GNPTAB: variants seen among roughly 807,000 people sequenced by gnomAD.
The protein encoded by GNPTAB is N-acetylglucosamine-1-phosphotransferase subunits alpha/beta.
In GNPTAB, 92 loss-of-function variants were observed where a neutral mutation model predicts 136.6. The ratio of observed to expected loss-of-function variants is 0.67; its 90% CI spans 0.57 to 0.80. The LOEUF is 0.80. Ranked by LOEUF, GNPTAB falls within the 30% of genes least tolerant of loss-of-function variation. The pLI, the probability that GNPTAB is intolerant of heterozygous loss-of-function variation, is 0.00. For missense variants in GNPTAB, 1,343 were observed against 1,501.8 expected (o/e 0.89, Z 1.75); for synonymous variants, 512 against 535.1 (o/e 0.96, Z 0.60).
chr12:101,830,816 C>G lies in GNPTAB; in HGVS notation c.-141G>C, dbSNP rs1392566428. ...CCTCCGGGCGCCGCTCATTGCAGCT[C>G]CGGCGACGGACGCCCGCTCGGCTCC... On this transcript the variant is annotated 5_prime_UTR_variant, in exon 1 of 21. Coordinates refer to ENST00000299314, the MANE Select transcript of GNPTAB (RefSeq NM_024312.5). The G allele has an allele frequency of 7.0e-6, 2 of 285,554 alleles. No homozygotes were observed. Among genetic ancestry groups the G allele is most frequent in the Non-Finnish European group, 1.3e-5 (2 of 152,360 alleles). 17.7% of individuals were successfully genotyped at this position (285,554 alleles called of 1,614,324 possible).
intron 11 of GNPTAB, among the ~76,000 whole-genome samples, chr12:101,766,776 A>T (rs529739807): frequency 7.2e-5 from 11 of 152,342 alleles, no homozygotes; most frequent in African/African-American, 2.4e-4. Context: ...AATAAACGTA[A>T]AAGGGAGTCA....
chr12:101,760,263 C>G (rs1952973313), intron 15 of GNPTAB, 120 bp from the exon 16 acceptor site: 1 of 705,002 alleles, frequency 1.4e-6, no homozygotes. Context: ...CAAAGAGAGT[C>G]TGACTATATG....
intron 16 of GNPTAB, among the ~76,000 whole-genome samples, chr12:101,759,250 C>T (rs1952952727): frequency 6.6e-6 from 1 of 151,550 alleles, no homozygotes; most frequent in Non-Finnish European, 1.5e-5. Context: ...GTAGTCCCAG[C>T]TACTCAGGAG....
In GNPTAB at chr12:101,757,216, G is replaced by C. The variant is rs770879064; in HGVS notation, c.3430C>G (p.Pro1144Ala). The C allele has an allele frequency of 8.5e-6, 13 of 1,528,974 alleles. No homozygotes were observed. The highest frequency in any genetic ancestry group is 1.2e-5 in the Non-Finnish European group (13 of 1,103,358). 94.7% of individuals were successfully genotyped at this position (1,528,974 alleles called of 1,614,324 possible). ...ATTATATATAAAAATCAGTACCTAGGGTTTTTTCTTATGTCATCCAACTGG... is the reference window on the plus strand; with the variant it reads ...ATTATATATAAAAATCAGTACCTAGCGTTTTTTCTTATGTCATCCAACTGG... The part of the protein sequence containing the change: ...VGQLDDIRKN[P>A]RKFVCLNDNI... The change falls in exon 18 of 21, where the codon CCT becomes GCT. Residue 1144 changes from proline to alanine, a missense_variant. Pro to Ala is a conservative substitution (Grantham distance 27). Coordinates refer to ENST00000299314, the MANE Select transcript of GNPTAB (RefSeq NM_024312.5).
intron 1 of GNPTAB, among the ~76,000 whole-genome samples, chr12:101,815,230 C>T (rs1870455864): frequency 6.6e-6 from 1 of 152,086 alleles, no homozygotes; most frequent in South Asian, 2.1e-4. Flanking sequence ...ACTATGCTGG[C>T]TAATTTTGGA....
chr12:101,805,546 C>G (rs1869888269), intron 1 of GNPTAB, among the ~76,000 whole-genome samples: 1 of 152,142 alleles, frequency 6.6e-6, no homozygotes, highest in African/African-American at 2.4e-5. Context: ...AGGTGCACAT[C>G]ACTACGTCTG....
At chr12:101,768,493 A>G (rs1953127105) in intron 10 of GNPTAB, among the ~76,000 whole-genome samples, 1 of 152,262 alleles carries the variant, frequency 6.6e-6, no homozygotes, top group African/African-American at 2.4e-5. Context: ...ACTTGACTGC[A>G]AGTACCAAAG....
intron 1 of GNPTAB, among the ~76,000 whole-genome samples, chr12:101,805,469 C>T (rs1046128267): frequency 3.3e-5 from 5 of 152,184 alleles, no homozygotes; most frequent in Non-Finnish European, 7.3e-5. Flanking sequence ...TTCACTGCAG[C>T]CTTGATGTAC....
intron 18 of GNPTAB, among the ~76,000 whole-genome samples, chr12:101,754,020 G>A (rs562982019): frequency 3.9e-5 from 6 of 152,226 alleles, no homozygotes; most frequent in East Asian, 1.9e-4. Flanking sequence ...GTGGTGGCAC[G>A]TGCCTGTGGT....
At chr12:101,829,182 G>A (rs1397752347) in intron 1 of GNPTAB, among the ~76,000 whole-genome samples, 2 of 152,116 alleles carry the variant, frequency 1.3e-5, no homozygotes, top group African/African-American at 4.8e-5. Context: ...AAAAAGAAAA[G>A]GATATAAAAT....
intron 1 of GNPTAB, among the ~76,000 whole-genome samples, chr12:101,822,210 A>G (rs374743597): frequency 1.6e-4 from 24 of 152,190 alleles, no homozygotes; most frequent in African/African-American, 3.6e-4. Flanking sequence ...TCAGGAGATC[A>G]AGACCATCCT....
At chr12:101,823,503 G>A (rs185430412) in intron 1 of GNPTAB, among the ~76,000 whole-genome samples, 1,658 of 151,720 alleles carry the variant, frequency 0.011, 19 homozygotes, top group Non-Finnish European at 0.014. Flanking sequence ...CCAGCTACTC[G>A]GGAGGCTGAC....
intron 19 of GNPTAB, 95 bp downstream of exon 19, chr12:101,753,277 A>AT: frequency 8.9e-7 from 1 of 1,121,074 alleles, no homozygotes; most frequent in Non-Finnish European, 1.3e-6. Flanking sequence ...AAAAAGAGAA[A>AT]TTTCATAAAA....
chr12:101,761,119 TACA>T lies in GNPTAB; in HGVS notation c.3135+5_3135+7del, dbSNP rs1007288007. 1.9e-6 allele frequency: 3 copies of T among 1,597,146 alleles called. No individual in the cohort carries two copies. Among genetic ancestry groups the T allele is most frequent in the African/African-American group, 2.7e-5 (2 of 73,964 alleles). On this transcript the variant is annotated splice_donor_5th_base_variant and intron_variant, in intron 15 of 20. Transcript: ENST00000299314. ...CATCAAAAAGTTTAGAATAAGACAA[TACA>T]ACACCTGCAAACTTAACGGCAGTTC... is the stretch of plus-strand genomic sequence containing the variant.
intron 1 of GNPTAB, among the ~76,000 whole-genome samples, chr12:101,807,343 C>T (rs960956587): frequency 5.9e-5 from 9 of 152,172 alleles, no homozygotes; most frequent in Non-Finnish European, 1.2e-4. Context: ...TGAGAAACTA[C>T]ATGCTTTCCT....
At chr12:101,761,471 T>C in intron 14 of GNPTAB, 93 bp downstream of exon 14, 1 of 1,436,950 alleles carries the variant, frequency 7.0e-7, no homozygotes, top group Non-Finnish European at 9.8e-7. Flanking sequence ...TCATCAAATA[T>C]TAGAGCTATA....
Position 101,764,479 on chromosome 12 carries a change from G to A in GNPTAB, c.2438C>T (p.Thr813Ile). 6.2e-7 allele frequency: 1 copy of A among 1,613,778 alleles called. No homozygotes were observed. ...GTGAGTTTCCACTCTAAATCTTGCTGTGGTCTCCAAGTCCAGGGGTGGATT... is the reference window on the plus strand; with the variant it reads ...GTGAGTTTCCACTCTAAATCTTGCTATGGTCTCCAAGTCCAGGGGTGGATT... ...GQNPPLDLET[T>I]ARFRVETHTQ... The change falls in exon 13 of 21, where the codon ACA (threonine) becomes ATA (isoleucine). Residue 813 changes from threonine to isoleucine, a missense_variant. Thr to Ile is a moderately conservative substitution (Grantham distance 89). Coordinates refer to ENST00000299314, the MANE Select transcript of GNPTAB (RefSeq NM_024312.5).
intron 20 of GNPTAB, among the ~76,000 whole-genome samples, chr12:101,747,877 TACTGGTATAGATAG>T (rs907428961): frequency 1.6e-4 from 24 of 152,164 alleles, no homozygotes; most frequent in African/African-American, 5.5e-4. Flanking sequence ...CCCTATTCTC[TACTGGTATAGATAG>T]ACTGGTATAG....
chr12:101,764,883 A>G lies in GNPTAB; in HGVS notation c.2034T>C (p.Phe678=). The G allele has an allele frequency of 6.2e-7, 1 of 1,614,162 alleles. No homozygotes were observed. The highest frequency in any genetic ancestry group is 8.5e-7 in the Non-Finnish European group (1 of 1,180,022). Residue 678 remains phenylalanine (F), a synonymous_variant, in exon 13 of 21, where the codon TTT becomes TTC. Transcript: ENST00000299314. ...DIPKEKRFPK[F]KRHDVNSTRR... The stretch of plus-strand genomic sequence containing the variant: ...TTGTTGAGTTAACATCATGTCTCTT[A>G]AACTTCGGGAAGCGTTTTTCTTTGG...
Sources: gnomAD v4.1 joint callset for allele counts (sites outside exome capture counted in the v4.1 genomes callset) on GRCh38, gnomAD v4.1.1 for gene constraint, MANE v1.5 for transcripts, NCBI Gene and HGNC (gene_info 2026-07-23, HGNC 2026-07-21) for gene names.